The following WDR33 variants were observed in gnomAD, a reference collection of about 807,000 sequenced individuals.
WDR33 encodes the protein WD repeat domain 33.
Under a neutral mutation model 164.9 loss-of-function variants are expected in WDR33, and 47 were observed. The observed-to-expected ratio is 0.29, with a 90% CI of 0.23 to 0.36. WDR33 has a LOEUF of 0.36. WDR33 is among the 10% of genes least tolerant of loss of function. The pLI is 1.00. For missense variants in WDR33, 1,137 were observed against 1,754.1 expected (o/e 0.65, Z 6.28); for synonymous variants, 505 against 589.0 (o/e 0.86, Z 2.06).
chr2:127,798,367 CAAAAAAAA>C (rs61568967), intron 1 of WDR33, among the ~76,000 whole-genome samples: 512 of 19,180 alleles, frequency 0.027, 2 homozygotes, highest in Non-Finnish European at 0.046. Context: ...GACACCGTCG[CAAAAAAAA>C]AAAAAAAAAA....
rs148387982 is a variant in WDR33 at position 127,803,260 on chromosome 2, A to G, written c.-24+7752T>C. Among the ~76,000 whole-genome samples, 581 of 152,240 alleles carry G rather than the reference A, an allele frequency of 3.8e-3. 3 individuals carry two copies. Among genetic ancestry groups the G allele is most frequent in the Non-Finnish European group, 5.8e-3 (393 of 68,020 alleles). On this transcript the variant is annotated intron_variant, in intron 1 of 21. Coordinates refer to ENST00000322313, the MANE Select transcript of WDR33 (RefSeq NM_018383.5). ...TGTTTTCTGTGTAGAAAATGCCACT[A>G]ATGTTAACTTTGATTAGGAATTTAA...
intron 1 of WDR33, among the ~76,000 whole-genome samples, chr2:127,779,210 G>A (rs1055636632): frequency 1.3e-5 from 2 of 151,138 alleles, no homozygotes; most frequent in Non-Finnish European, 1.5e-5. Context: ...GCTCATGCCT[G>A]TAATCCTAGC....
At chr2:127,767,752 T>G (rs1487137511) in intron 4 of WDR33, among the ~76,000 whole-genome samples, 1 of 152,124 alleles carries the variant, frequency 6.6e-6, no homozygotes, top group East Asian at 1.9e-4. Flanking sequence ...TCAGTTTAAA[T>G]GTATTAAGTG....
chr2:127,788,091 C>T (rs1324127070), intron 1 of WDR33, among the ~76,000 whole-genome samples: 12 of 93,820 alleles, frequency 1.3e-4, no homozygotes, highest in African/African-American at 1.1e-4. Flanking sequence ...ACCTCCCTCC[C>T]GGACGGGGCG....
chr2:127,795,102 CTTTTT>C (rs552910693), intron 1 of WDR33, among the ~76,000 whole-genome samples: 10 of 131,136 alleles, frequency 7.6e-5, no homozygotes, highest in Non-Finnish European at 1.6e-4. Flanking sequence ...AATAACTTCT[CTTTTT>C]TTTTTTTTTT....
rs529471951 is a variant in WDR33 at position 127,737,213 on chromosome 2, T to C, written c.725-10436A>G. 2.6e-5 allele frequency: 26 copies of C among 985,446 alleles called. 1 individual carries two copies. In the South Asian group the frequency reaches 1.1e-3, roughly 41 times the overall value. The allele number at this position is 985,446 out of a possible 1,614,324, so 61.0% of individuals were successfully genotyped here. A position where few individuals can be genotyped will look rare whatever the true frequency, so the allele number is the denominator to read the frequency against. On this transcript the variant is annotated intron_variant, in intron 7 of 21. Coordinates refer to ENST00000322313, the MANE Select transcript of WDR33 (RefSeq NM_018383.5). ...CAAATATTTTTCAACCTCAATTCTG[T>C]TGTATTCATTCAATTCTTTGATATT...
Position 127,807,367 on chromosome 2 carries a change from T to C in WDR33, c.-24+3645A>G, listed in dbSNP as rs553690997. ...ATTCCATATACCAAAAAAGGAAAAT[T>C]GCTGCTCCACCTACTAAGTTGAGAG... On this transcript the variant is annotated intron_variant, in intron 1 of 21. Transcript: ENST00000322313. Among the ~76,000 whole-genome samples the C allele has an allele frequency of 1.6e-4, 24 of 152,278 alleles. 2 individuals carry two copies. The South Asian group carries it at 4.6e-3, about 29-fold the overall frequency.
rs971216216 is a variant in WDR33, at chr2:127,735,351, A to G, written c.725-8574T>C. 1 of 984,346 alleles carries G rather than the reference A, an allele frequency of 1.0e-6. No individual in the cohort carries two copies. Among genetic ancestry groups the G allele is most frequent in the Non-Finnish European group, 1.2e-6 (1 of 828,664 alleles). The allele number at this position is 984,346 out of a possible 1,614,324, so 61.0% of individuals were successfully genotyped here. On this transcript the variant is annotated intron_variant, in intron 7 of 21. Transcript: ENST00000322313. This position sits in a 1 kb window ranked among gnomAD's most constrained non-coding sequence, Gnocchi z 4.3. Reference sequence around the variant, plus strand: ...TAAATAACCTGTCTTGAGACAGTCCATAGGATCCCAAAGCTCGGTGAACAG... The same window carrying G: ...TAAATAACCTGTCTTGAGACAGTCCGTAGGATCCCAAAGCTCGGTGAACAG...
At chr2:127,768,078 T>C in intron 4 of WDR33, 111 bp downstream of exon 4, 1 of 638,402 alleles carries the variant, frequency 1.6e-6, no homozygotes, top group Non-Finnish European at 2.4e-6. Flanking sequence ...AAACCAATTA[T>C]AAGCCCAGAT....
rs183617534 is a variant in WDR33, at chr2:127,770,412, G to A, written c.204+366C>T. Among the ~76,000 whole-genome samples the A allele has an allele frequency of 4.6e-4, 70 of 152,174 alleles. No homozygotes were observed. In the East Asian group the frequency reaches 8.5e-3, roughly 18 times the overall value. On this transcript the variant is annotated intron_variant, in intron 2 of 21. Transcript: ENST00000322313. The surrounding 1 kb of genome is among the most constrained non-coding windows in gnomAD (Gnocchi z 4.9). ...TCATCTTCTTTTAAATAACCAGGCC[G>A]GGCGCAGTGGCTCATGCCTGTAATC... is the stretch of plus-strand genomic sequence containing the variant.
At chr2:127,808,922 C>G (rs907719521) in intron 1 of WDR33, among the ~76,000 whole-genome samples, 1 of 150,850 alleles carries the variant, frequency 6.6e-6, no homozygotes, top group Non-Finnish European at 1.5e-5. Flanking sequence ...CCCAGCTACT[C>G]GGGAGGCTCA....
chr2:127,808,216 A>G (rs1264864554), intron 1 of WDR33, among the ~76,000 whole-genome samples: 1 of 152,222 alleles, frequency 6.6e-6, no homozygotes, highest in African/African-American at 2.4e-5. Flanking sequence ...TGCCTACTAT[A>G]TATGAGGCAC....
intron 5 of WDR33, 53 bp from the exon 6 acceptor site, chr2:127,765,032 A>G (rs1687782806): frequency 6.3e-7 from 1 of 1,595,190 alleles, no homozygotes; most frequent in Non-Finnish European, 8.6e-7. Context: ...AGAATATATG[A>G]CTAAAGGCTT....
At position 127,721,835 on chromosome 2, in the gene WDR33, C is replaced by T. The variant is rs1447585992; in HGVS notation, c.1671+1G>A. The T allele has an allele frequency of 6.2e-7, 1 of 1,609,990 alleles. No individual in the cohort carries two copies. Among genetic ancestry groups the T allele is most frequent in the Non-Finnish European group, 8.5e-7 (1 of 1,178,836 alleles). On this transcript the variant is annotated splice_donor_variant, in intron 15 of 21. Transcript: ENST00000322313. LOFTEE classifies it high-confidence loss of function. The surrounding 1 kb of genome is among the most constrained non-coding windows in gnomAD (Gnocchi z 4.9). The stretch of plus-strand genomic sequence containing the variant: ...ATTCCCCCCTACAGAGCTTCACACA[C>T]CTCCAGAAGTTGTGGGTTAGTATAT...
At chr2:127,773,795 G>A (rs943214927) in intron 1 of WDR33, among the ~76,000 whole-genome samples, 5 of 152,030 alleles carry the variant, frequency 3.3e-5, no homozygotes, top group Middle Eastern at 3.2e-3. Context: ...ATGGGGTCTC[G>A]CTCTGTTGCC....
At chr2:127,766,089 C>T (rs374167087) in intron 4 of WDR33, among the ~76,000 whole-genome samples, 23 of 152,092 alleles carry the variant, frequency 1.5e-4, no homozygotes, top group African/African-American at 5.6e-4. Flanking sequence ...ATTTTGATGT[C>T]ACAATTTGCA....
intron 1 of WDR33, among the ~76,000 whole-genome samples, chr2:127,796,899 ACTGT>A (rs1156236006): frequency 6.6e-6 from 1 of 152,012 alleles, no homozygotes; most frequent in African/African-American, 2.4e-5. Flanking sequence ...AACCGGAAAA[ACTGT>A]CTGTTTCCCC....
At chr2:127,788,507 T>C (rs1688700993) in intron 1 of WDR33, among the ~76,000 whole-genome samples, 1 of 115,262 alleles carries the variant, frequency 8.7e-6, no homozygotes, top group Admixed American at 8.2e-5. Context: ...ACGGGGCGGC[T>C]GGCCGGGTGG....
At chr2:127,730,418 G>C (rs541388090) in intron 7 of WDR33, among the ~76,000 whole-genome samples, 45 of 151,978 alleles carry the variant, frequency 3.0e-4, no homozygotes, top group African/African-American at 9.9e-4. Context: ...TTTAGATCCA[G>C]AGGAATAAGA....
Sources: allele counts gnomAD v4.1 joint callset (sites outside exome capture counted in the v4.1 genomes callset), GRCh38; gene constraint gnomAD v4.1.1; non-coding constraint Gnocchi (gnomAD v3.1); transcripts MANE v1.5; gene names NCBI Gene and HGNC (gene_info 2026-07-23, HGNC 2026-07-21).